The following AFDN variants were observed in gnomAD, a reference collection of about 807,000 sequenced individuals.
AFDN encodes the protein afadin.
Under a neutral mutation model 216.6 loss-of-function variants are expected in AFDN, and 68 were observed. The ratio of observed to expected loss-of-function variants is 0.31; its 90% CI spans 0.26 to 0.38. The LOEUF is 0.38. Ranked by LOEUF, AFDN falls within the 10% of genes least tolerant of loss-of-function variation. The probability of loss-of-function intolerance (pLI) is 1.00; values close to 1 mark genes in which losing one functional copy is unlikely to be tolerated. For missense variants in AFDN, 2,136 were observed against 2,342.0 expected, an observed-to-expected ratio of 0.91 and a Z score of 1.82; for synonymous variants, 868 against 853.7, an observed-to-expected ratio of 1.02 and a Z score of -0.29.
intron 1 of AFDN, among the ~76,000 whole-genome samples, chr6:167,861,588 A>G (rs1783581025): frequency 1.3e-5 from 2 of 152,158 alleles, no homozygotes; most frequent in Non-Finnish European, 2.9e-5. Context: ...GAAGGGCAGT[A>G]ATTTATATGT....
At chr6:167,902,116 A>G (rs1218888487) in intron 11 of AFDN, among the ~76,000 whole-genome samples, 5 of 151,020 alleles carry the variant, frequency 3.3e-5, no homozygotes, top group African/African-American at 1.2e-4. Context: ...AAAAAAAGAT[A>G]CTGGGAATAT....
chr6:167,848,403 T>C (rs927735996), intron 1 of AFDN, among the ~76,000 whole-genome samples: 1 of 152,204 alleles, frequency 6.6e-6, no homozygotes, highest in African/African-American at 2.4e-5. Context: ...CCAAGAAAAC[T>C]ACTGACGTGA....
intron 1 of AFDN, among the ~76,000 whole-genome samples, chr6:167,828,574 T>C (rs1779474172): frequency 6.6e-6 from 1 of 152,258 alleles, no homozygotes; most frequent in South Asian, 2.1e-4. Context: ...TGAGTTAGGT[T>C]CTAGTAAGGG....
chr6:167,957,934 A>G (rs1285714359), intron 30 of AFDN, among the ~76,000 whole-genome samples: 5 of 152,234 alleles, frequency 3.3e-5, no homozygotes, highest in Admixed American at 6.5e-5. Context: ...CCAGCATGGA[A>G]GAGATTGACC....
At chr6:167,832,571 T>C (rs1476821869) in intron 1 of AFDN, among the ~76,000 whole-genome samples, 8 of 152,210 alleles carry the variant, frequency 5.3e-5, no homozygotes, top group Non-Finnish European at 1.2e-4. Flanking sequence ...TGAATGTGCT[T>C]AATAAAGTGA....
In AFDN at chr6:167,920,106, C is replaced by T. The variant is rs116478400; in HGVS notation, c.2908+1173C>T. Among the ~76,000 whole-genome samples, 1,322 of 152,224 alleles carry T rather than the reference C, an allele frequency of 8.7e-3. 23 individuals carry two copies. Among genetic ancestry groups the T allele is most frequent in the African/African-American group, 0.031 (1,270 of 41,548 alleles). On this transcript the variant is annotated intron_variant, in intron 21 of 33. Transcript: ENST00000683244. ...CAAGGCTCAGTGCCATCCTCAGAGA[C>T]GCAGAGAGAGGCCAAGGTGAGATGA...
At chr6:167,878,282 T>C (rs1785642840) in intron 5 of AFDN, among the ~76,000 whole-genome samples, 1 of 152,120 alleles carries the variant, frequency 6.6e-6, no homozygotes, top group Non-Finnish European at 1.5e-5. Flanking sequence ...CTAACCAAAA[T>C]CATATAGATG....
At chr6:167,838,498 TCA>T in intron 1 of AFDN, among the ~76,000 whole-genome samples, 1 of 152,358 alleles carries the variant, frequency 6.6e-6, no homozygotes, top group Middle Eastern at 3.4e-3. Context: ...CTGCCATCAC[TCA>T]GTTAATTTTG....
intron 6 of AFDN, among the ~76,000 whole-genome samples, chr6:167,888,900 AC>A (rs1260616553): frequency 1.3e-5 from 2 of 152,218 alleles, no homozygotes; most frequent in Non-Finnish European, 2.9e-5. Flanking sequence ...TGAAGAAATT[AC>A]ACAGAAGTTA....
rs373834830 is a variant in AFDN, at chr6:167,864,667, G to A, written c.222G>A (p.Thr74=). ...CCACCACTCAAGATGTAATCGAAAC[G>A]CTCGCGGAGAAATTTCGACCTGATA... The part of the protein sequence containing the change: ...STATTQDVIE[T]LAEKFRPDMR... Residue 74 remains threonine (T), a synonymous_variant, in exon 2 of 34, where the codon ACG becomes ACA. Coordinates refer to ENST00000683244, the MANE Select transcript of AFDN (RefSeq NM_001386888.1). 35 of 1,614,146 alleles carry A rather than the reference G, an allele frequency of 2.2e-5. No individual in the cohort carries two copies. The highest frequency in any genetic ancestry group is 1.6e-4 in the Middle Eastern group (1 of 6,062).
chr6:167,962,466 T>A lies in AFDN; in HGVS notation c.4867T>A (p.Leu1623Ile). The A allele has an allele frequency of 6.2e-7, 1 of 1,613,428 alleles. No homozygotes were observed. The highest frequency in any genetic ancestry group is 8.5e-7 in the Non-Finnish European group (1 of 1,179,636). The stretch of plus-strand genomic sequence containing the variant: ...CGAGGAGCGGAGGCGGCAGCAGCAG[T>A]TAGAAGAGATGCGCAAGCGGGAAGC... ...QDEERRRQQQ[L>I]EEMRKREAED... is the part of the protein sequence containing the mutation. The change falls in exon 31 of 34, where the codon TTA (leucine) becomes ATA (isoleucine). Residue 1623 changes from leucine to isoleucine, a missense_variant. Physicochemically the swap from Leu to Ile is conservative, Grantham distance 5 (BLOSUM62 2). Around this residue, in one of 8 missense-constraint regions of AFDN, gnomAD observed 981 missense variants for 966.0 expected, o/e 1.02. Coordinates refer to ENST00000683244, the MANE Select transcript of AFDN (RefSeq NM_001386888.1). The surrounding 1 kb of genome is among the most constrained non-coding windows in gnomAD (Gnocchi z 5.2).
At chr6:167,945,579 C>T (rs1198846148) in intron 26 of AFDN, among the ~76,000 whole-genome samples, 1 of 152,162 alleles carries the variant, frequency 6.6e-6, no homozygotes, top group Non-Finnish European at 1.5e-5. Flanking sequence ...CGACCACAAA[C>T]ACGAGGAATC....
intron 6 of AFDN, among the ~76,000 whole-genome samples, chr6:167,885,447 TATTA>T (rs1562608111): frequency 6.6e-6 from 1 of 152,048 alleles, no homozygotes; most frequent in Non-Finnish European, 1.5e-5. Flanking sequence ...CATTTTAGGG[TATTA>T]ATTGGCCTAA....
intron 9 of AFDN, among the ~76,000 whole-genome samples, chr6:167,895,297 G>A (rs1788103849): frequency 6.6e-6 from 1 of 152,018 alleles, no homozygotes; most frequent in African/African-American, 2.4e-5. Context: ...TGCCTTTGGT[G>A]GTTAAAACAC....
At chr6:167,913,885 AT>A in intron 16 of AFDN, 1 of 470,658 alleles carries the variant, frequency 2.1e-6, no homozygotes, top group South Asian at 2.9e-5. Flanking sequence ...GTGTTATATT[AT>A]TTGATATCTC....
chr6:167,896,987 C>G lies in AFDN; in HGVS notation c.1317+15C>G, dbSNP rs556357162. 1.4e-6 allele frequency: 2 copies of G among 1,474,564 alleles called. No individual in the cohort carries two copies. Among genetic ancestry groups the G allele is most frequent in the African/African-American group, 1.4e-5 (1 of 72,218 alleles). 91.3% of individuals were successfully genotyped at this position (1,474,564 alleles called of 1,614,324 possible). ...ACTCTATCCAGGTACGTAGTCTGAG[C>G]TTCCTGCTGCAACTCTGACATTCCA... On this transcript the variant is annotated intron_variant, in intron 10 of 33. Coordinates refer to ENST00000683244, the MANE Select transcript of AFDN (RefSeq NM_001386888.1).
At chr6:167,871,288 A>G (rs979579442) in intron 3 of AFDN, among the ~76,000 whole-genome samples, 6 of 152,208 alleles carry the variant, frequency 3.9e-5, no homozygotes, top group Non-Finnish European at 8.8e-5. Context: ...AGCAAATACA[A>G]AAAAAGTTAA....
At chr6:167,835,694 A>G (rs1780347255) in intron 1 of AFDN, among the ~76,000 whole-genome samples, 3 of 152,336 alleles carry the variant, frequency 2.0e-5, no homozygotes, top group Admixed American at 1.3e-4. Context: ...GCCATCAGCT[A>G]TACTCATCAT....
intron 2 of AFDN, 50 bp downstream of exon 2, chr6:167,864,796 G>T (rs764558957): frequency 6.4e-7 from 1 of 1,562,312 alleles, no homozygotes. Flanking sequence ...GACCTGTGAA[G>T]AGACAGCTTG....
Sources: gnomAD v4.1 joint callset for allele counts (sites outside exome capture counted in the v4.1 genomes callset) on GRCh38, gnomAD v4.1.1 for gene constraint, gnomAD v4.1.1 regional missense constraint, Gnocchi (gnomAD v3.1) non-coding constraint, MANE v1.5 for transcripts, NCBI Gene and HGNC (gene_info 2026-07-23, HGNC 2026-07-21) for gene names.